Variants in APPL2 observed in about 807,000 individuals in gnomAD.
The protein encoded by APPL2 is DCC-interacting protein 13-beta.
APPL2 carries 84 observed loss-of-function variants against 92.7 expected under a neutral mutation model. That is an observed-to-expected ratio of 0.91 (90% CI 0.76 to 1.09). The LOEUF (loss-of-function observed/expected upper bound fraction) is 1.09, where lower values mean the gene tolerates loss of function less well. Ranked by LOEUF, APPL2 falls within the 50% of genes least tolerant of loss-of-function variation. The pLI is 0.00. For missense variants in APPL2, 736 were observed against 824.5 expected (o/e 0.89, Z 1.31); for synonymous variants, 291 against 291.0 (o/e 1.00, Z 0.00).
chr12:105,188,838 T>G (rs181304041), intron 16 of APPL2, among the ~76,000 whole-genome samples: 1 of 152,252 alleles, frequency 6.6e-6, no homozygotes. Context: ...AAAAGAAATT[T>G]TATTTGCAGG....
At chr12:105,221,493 TCTGA>T (rs1279906318) in intron 2 of APPL2, among the ~76,000 whole-genome samples, 2 of 152,216 alleles carry the variant, frequency 1.3e-5, no homozygotes, top group Non-Finnish European at 2.9e-5. Flanking sequence ...AAGCTCATGT[TCTGA>T]CTATTATGCT....
In APPL2 at chr12:105,189,806, AC is replaced by A. The variant is rs1566060182; in HGVS notation, c.1424del (p.Gly475ValfsTer21). ...NRGSRRTNPFGETEDESFPEA... is the reference protein window; with the variant it reads ...NRGSRRTNPFXETEDESFPEA... ...CTGGAAATGATTCATCCTCAGTTTC[AC>A]CAAAAGGGTTGGTACGCCTAGGGGA... On this transcript the variant is annotated frameshift_variant, in exon 16 of 21. Coordinates refer to ENST00000258530, the MANE Select transcript of APPL2 (RefSeq NM_018171.5). LOFTEE classifies it high-confidence loss of function. The A allele has an allele frequency of 6.2e-7, 1 of 1,614,230 alleles. No individual in the cohort carries two copies. Among genetic ancestry groups the A allele is most frequent in the Non-Finnish European group, 8.5e-7 (1 of 1,180,034 alleles).
intron 14 of APPL2, among the ~76,000 whole-genome samples, chr12:105,190,735 C>T (rs1280264898): frequency 6.6e-6 from 1 of 152,214 alleles, no homozygotes; most frequent in South Asian, 2.1e-4. Context: ...CTCCTCTGAA[C>T]TCCTGTGATT....
At chr12:105,235,214 G>C (rs1247470955) in intron 1 of APPL2, 4 of 152,186 alleles carry the variant, frequency 2.6e-5, no homozygotes, top group Non-Finnish European at 4.4e-5. Context: ...GACCCCTGGG[G>C]AAAGATGTGC....
intron 17 of APPL2, among the ~76,000 whole-genome samples, chr12:105,184,189 G>A (rs1041510441): frequency 3.9e-5 from 6 of 152,008 alleles, no homozygotes; most frequent in East Asian, 1.9e-4. Flanking sequence ...TAGCTTCCTC[G>A]CATTGGGTTA....
intron 2 of APPL2, 64 bp downstream of exon 2, chr12:105,229,061 G>A: frequency 2.2e-6 from 3 of 1,350,834 alleles, no homozygotes; most frequent in South Asian, 1.3e-5. Flanking sequence ...ACCTCTGAGG[G>A]AAGTTCAGGA....
chr12:105,218,048 C>T (rs1566091107), intron 2 of APPL2, among the ~76,000 whole-genome samples: 1 of 152,014 alleles, frequency 6.6e-6, no homozygotes, highest in Non-Finnish European at 1.5e-5. Context: ...GTTGAGGCTG[C>T]AGTAAGCCAT....
At chr12:105,186,837 T>TAACA (rs1365752933) in intron 17 of APPL2, among the ~76,000 whole-genome samples, 4 of 151,670 alleles carry the variant, frequency 2.6e-5, no homozygotes, top group African/African-American at 7.3e-5. Context: ...ATTTCCCTAG[T>TAACA]AACACATAGC....
In APPL2 at chr12:105,203,892, C is replaced by T. The variant is rs138032451; in HGVS notation, c.622-107G>A. 6.2e-3 allele frequency: 5,735 copies of T among 922,624 alleles called. 36 individuals carry two copies. The highest frequency in any genetic ancestry group is 0.013 in the Middle Eastern group (59 of 4,548). 57.2% of individuals were successfully genotyped at this position (922,624 alleles called of 1,614,324 possible). ...AGGGCAGCCATCACAGCTGGCTGGC[C>T]CGCCTCGCACGCGGCACTGGCAGCA... On this transcript the variant is annotated intron_variant, in intron 8 of 20. Coordinates refer to ENST00000258530, the MANE Select transcript of APPL2 (RefSeq NM_018171.5).
chr12:105,194,960 G>A (rs1887515339), intron 14 of APPL2, among the ~76,000 whole-genome samples: 1 of 151,998 alleles, frequency 6.6e-6, no homozygotes, highest in African/African-American at 2.4e-5. Flanking sequence ...TAGAAAATGT[G>A]GGGAGAACTC....
intron 17 of APPL2, among the ~76,000 whole-genome samples, chr12:105,186,660 T>TATATGATATATATGATATTG (rs1566056314): frequency 1.1e-5 from 1 of 92,680 alleles, no homozygotes; most frequent in African/African-American, 4.8e-5. Context: ...CGATATCATA[T>TATATGATATATATGATATTG]ATATCATATA....
At chr12:105,228,709 G>A (rs747732520) in intron 2 of APPL2, among the ~76,000 whole-genome samples, 25 of 152,126 alleles carry the variant, frequency 1.6e-4, no homozygotes, top group Non-Finnish European at 3.1e-4. Flanking sequence ...TGTGACTCAA[G>A]TCTTTTCAGA....
In APPL2 at chr12:105,236,104, G is replaced by C; in HGVS notation, c.-92C>G. ...GCACTCCCCGGCTCTGGGCTCAGGC[G>C]ACGCGGCGGCCACTCCGTGCCCGCG... On this transcript the variant is annotated 5_prime_UTR_variant, in exon 1 of 21. Coordinates refer to ENST00000258530, the MANE Select transcript of APPL2 (RefSeq NM_018171.5). The C allele has an allele frequency of 1.0e-6, 1 of 980,228 alleles. No homozygotes were observed. Among genetic ancestry groups the C allele is most frequent in the Non-Finnish European group, 1.3e-6 (1 of 772,190 alleles). The allele number at this position is 980,228 out of a possible 1,614,324, so 60.7% of individuals were successfully genotyped here.
intron 1 of APPL2, chr12:105,233,306 A>G (rs1196781): frequency 0.58 from 573,718 of 985,234 alleles, 168,713 homozygotes; most frequent in African/African-American, 0.79. Flanking sequence ...CTTCTAAACA[A>G]CAATGGAGGC....
At chr12:105,199,943 C>A (rs542824707) in intron 9 of APPL2, among the ~76,000 whole-genome samples, 1 of 151,870 alleles carries the variant, frequency 6.6e-6, no homozygotes, top group South Asian at 2.1e-4. Context: ...CTCAGCCTCT[C>A]GAGTAGCTGG....
chr12:105,174,285 T>A lies in APPL2; in HGVS notation c.*29A>T. The A allele has an allele frequency of 6.2e-7, 1 of 1,611,272 alleles. No homozygotes were observed. Among genetic ancestry groups the A allele is most frequent in the Non-Finnish European group, 8.5e-7 (1 of 1,178,668 alleles). Reference sequence around the variant, plus strand: ...CCTTAGGAGGTAGCTCTCCTTCCTGTTTGCTCTTCCCCCACAGGCGCAAGT... The same window carrying A: ...CCTTAGGAGGTAGCTCTCCTTCCTGATTGCTCTTCCCCCACAGGCGCAAGT... On this transcript the variant is annotated 3_prime_UTR_variant, in exon 21 of 21. Coordinates refer to ENST00000258530, the MANE Select transcript of APPL2 (RefSeq NM_018171.5).
At chr12:105,200,458 G>A (rs906125727) in intron 9 of APPL2, among the ~76,000 whole-genome samples, 1 of 152,234 alleles carries the variant, frequency 6.6e-6, no homozygotes, top group Non-Finnish European at 1.5e-5. Flanking sequence ...GCCCACACAG[G>A]GGTAAGTGGG....
rs956875704 is a variant in APPL2 at position 105,205,169 on chromosome 12, G to A, written c.622-1384C>T. On this transcript the variant is annotated intron_variant, in intron 8 of 20. Coordinates refer to ENST00000258530, the MANE Select transcript of APPL2 (RefSeq NM_018171.5). The stretch of plus-strand genomic sequence containing the variant: ...ATTGCCAAGGTCGGATGAGGCAGGA[G>A]GACAGCTAATGCTTCTGAATCATCC... 5.9e-5 allele frequency among the ~76,000 whole-genome samples: 9 copies of A among 152,308 alleles called. No individual in the cohort carries two copies. In the South Asian group the frequency reaches 1.2e-3, roughly 21 times the overall value.
chr12:105,197,305 G>A (rs2257156), intron 11 of APPL2, among the ~76,000 whole-genome samples: 131,238 of 152,206 alleles, frequency 0.86, 56,787 homozygotes, highest in East Asian at 0.98. Flanking sequence ...AGCCGACGAT[G>A]CTGCTGCAGT....
Sources: allele counts gnomAD v4.1 joint callset (sites outside exome capture counted in the v4.1 genomes callset), GRCh38; gene constraint gnomAD v4.1.1; transcripts MANE v1.5; gene names NCBI Gene and HGNC (gene_info 2026-07-23, HGNC 2026-07-21).